Variants in PHF14 observed in about 807,000 individuals in gnomAD.
PHF14 encodes PHD finger protein 14.
In PHF14, 55 loss-of-function variants were observed where a neutral mutation model predicts 117.9. The observed-to-expected ratio is 0.47, with a 90% CI of 0.38 to 0.58. PHF14 has a LOEUF of 0.58. Among genes scored for constraint, PHF14 ranks in the 20% least tolerant of loss-of-function variants. The pLI is 0.00. For missense variants in PHF14, 978 were observed against 1,122.2 expected (o/e 0.87, Z 1.84); for synonymous variants, 409 against 368.6 (o/e 1.11, Z -1.26).
Position 11,038,822 on chromosome 7 carries a change from A to G in PHF14, c.2043A>G (p.Gly681=). ...LNGKLRSEGQ[G]IWALLGRITG... Reference sequence around the variant, plus strand: ...GAAAACTTCGAAGTGAAGGACAAGGAATATGGGCTTTACTAGGCAGAATCA... The same window carrying G: ...GAAAACTTCGAAGTGAAGGACAAGGGATATGGGCTTTACTAGGCAGAATCA... Residue 681 remains glycine, a synonymous_variant, in exon 11 of 18, where the codon GGA becomes GGG. Transcript: ENST00000634607. The G allele has an allele frequency of 6.3e-7, 1 of 1,589,606 alleles. No individual in the cohort carries two copies. Among genetic ancestry groups the G allele is most frequent in the Middle Eastern group, 1.7e-4 (1 of 5,980 alleles).
chr7:11,107,109 A>G (rs1787295806), intron 16 of PHF14: 1 of 983,204 alleles, frequency 1.0e-6, no homozygotes, highest in Admixed American at 6.2e-5. Context: ...TACTCCTCTA[A>G]TGAAATTAGA....
chr7:10,988,626 C>T lies in PHF14; in HGVS notation c.901-2077C>T, dbSNP rs1469934063. On this transcript the variant is annotated intron_variant, in intron 3 of 17. Transcript: ENST00000634607. Reference sequence around the variant, plus strand: ...GGGGATGATATTTAAAGTAGTAGTGCTCATTGGAGCTTGCAACTTTTCTTT... The same window carrying T: ...GGGGATGATATTTAAAGTAGTAGTGTTCATTGGAGCTTGCAACTTTTCTTT... 6.9e-5 allele frequency among the ~76,000 whole-genome samples: 10 copies of T among 144,148 alleles called. No homozygotes were observed. The South Asian group carries it at 8.7e-4, about 13-fold the overall frequency. The allele number at this position is 144,148 out of a possible 152,430, so 94.6% of individuals were successfully genotyped here.
At chr7:11,020,328 A>G (rs986657373) in intron 5 of PHF14, among the ~76,000 whole-genome samples, 14 of 152,066 alleles carry the variant, frequency 9.2e-5, no homozygotes, top group Non-Finnish European at 1.9e-4. Flanking sequence ...GGGCTCAAGC[A>G]GTCCTCCCAC....
chr7:11,153,294 A>C (rs922813366), intron 17 of PHF14, among the ~76,000 whole-genome samples: 3 of 152,168 alleles, frequency 2.0e-5, no homozygotes, highest in Non-Finnish European at 4.4e-5. Flanking sequence ...GGAGTTGGCT[A>C]TAGAGTATAA....
chr7:10,990,857 C>T lies in PHF14; in HGVS notation c.1045+10C>T. On this transcript the variant is annotated intron_variant, in intron 4 of 17. Transcript: ENST00000634607. ...ATTACAGTCCATGAAGGTAATGTTGCTTTCTTTTCTCTCTTTTTAGAAATG... is the reference window on the plus strand; with the variant it reads ...ATTACAGTCCATGAAGGTAATGTTGTTTTCTTTTCTCTCTTTTTAGAAATG... The T allele has an allele frequency of 6.4e-7, 1 of 1,559,510 alleles. No individual in the cohort carries two copies. Among genetic ancestry groups the T allele is most frequent in the Non-Finnish European group, 8.7e-7 (1 of 1,149,240 alleles).
chr7:11,037,216 A>G (rs972671755), intron 10 of PHF14, 125 bp downstream of exon 10: 65 of 746,084 alleles, frequency 8.7e-5, no homozygotes, highest in Non-Finnish European at 1.1e-4. Context: ...GCTCTTCCCT[A>G]TAACTCCTAC....
rs181456035 is a variant in PHF14 at position 10,982,772 on chromosome 7, C to T, written c.513C>T (p.Thr171=). The T allele has an allele frequency of 1.4e-5, 23 of 1,613,824 alleles. No individual in the cohort carries two copies. The East Asian group carries it at 2.2e-4, about 16-fold the overall frequency. Residue 171 remains threonine (T), a synonymous_variant, in exon 3 of 18, where the codon ACC becomes ACT. Coordinates refer to ENST00000634607, the MANE Select transcript of PHF14 (RefSeq NM_001007157.2). ...NTSPSVPTTT[T]ATEEQVSEPK... The stretch of plus-strand genomic sequence containing the variant: ...CCCCTTCTGTTCCCACTACGACAAC[C>T]GCTACAGAGGAACAAGTCAGCGAGC...
At chr7:11,052,225 A>G (rs1784870697) in intron 14 of PHF14, among the ~76,000 whole-genome samples, 1 of 152,198 alleles carries the variant, frequency 6.6e-6, no homozygotes, top group African/African-American at 2.4e-5. Context: ...TGAATTTCAT[A>G]TGAATGGAAT....
At chr7:10,977,778 C>G (rs369715148) in intron 2 of PHF14, among the ~76,000 whole-genome samples, 3 of 152,124 alleles carry the variant, frequency 2.0e-5, no homozygotes, top group South Asian at 2.1e-4. Flanking sequence ...TTAGGTTGAA[C>G]TATATGGAAT....
At chr7:11,128,856 C>T (rs2076878148) in intron 17 of PHF14, among the ~76,000 whole-genome samples, 1 of 151,824 alleles carries the variant, frequency 6.6e-6, no homozygotes. Context: ...ATTAAATGTC[C>T]AGTTTAAATT....
intron 2 of PHF14, among the ~76,000 whole-genome samples, chr7:10,977,213 G>C (rs1681305): frequency 2.6e-5 from 4 of 151,710 alleles, no homozygotes; most frequent in African/African-American, 9.7e-5. Context: ...CCCTACTTAC[G>C]AATAGGAGAT....
rs939959734 is a variant in PHF14 at position 11,111,624 on chromosome 7, C to T, written c.2772+157C>T. Among the ~76,000 whole-genome samples, 5 of 151,984 alleles carry T rather than the reference C, an allele frequency of 3.3e-5. No individual in the cohort carries two copies. In the East Asian group the frequency reaches 9.6e-4, roughly 29 times the overall value. On this transcript the variant is annotated intron_variant, in intron 17 of 17. Transcript: ENST00000634607. ...ATATATTGCTATGGTTATTTTCTTG[C>T]TCTTAAATTAAGGAAAAAACAACTC...
At chr7:11,169,294 T>A (rs531980082) in intron 17 of PHF14, 122 bp from the exon 18 acceptor site, 2 of 486,860 alleles carry the variant, frequency 4.1e-6, no homozygotes, top group East Asian at 3.6e-5. Flanking sequence ...TTACCATTTG[T>A]GTTTAGGATT....
Position 10,982,481 on chromosome 7 carries a change from T to A in PHF14, c.222T>A (p.Ile74=), listed in dbSNP as rs757770713. Residue 74 remains isoleucine, a synonymous_variant, in exon 3 of 18, where the codon ATT becomes ATA. Coordinates refer to ENST00000634607, the MANE Select transcript of PHF14 (RefSeq NM_001007157.2). ...NILEEELNED[I]KVKEEQLKNS... Reference sequence around the variant, plus strand: ...TAGAAGAAGAACTGAATGAAGATATTAAAGTAAAAGAAGAACAACTTAAAA... The same window carrying A: ...TAGAAGAAGAACTGAATGAAGATATAAAAGTAAAAGAAGAACAACTTAAAA... 1.3e-6 allele frequency: 2 copies of A among 1,582,706 alleles called. No homozygotes were observed. Among genetic ancestry groups the A allele is most frequent in the African/African-American group, 2.7e-5 (2 of 74,034 alleles).
chr7:11,055,790 A>T (rs1046763786), intron 14 of PHF14, among the ~76,000 whole-genome samples: 21 of 152,152 alleles, frequency 1.4e-4, no homozygotes, highest in African/African-American at 4.8e-4. Flanking sequence ...ATAATGTTTA[A>T]GCTTAAGTCT....
At chr7:11,065,119 G>A (rs1785380622) in intron 16 of PHF14, among the ~76,000 whole-genome samples, 1 of 151,964 alleles carries the variant, frequency 6.6e-6, no homozygotes, top group African/African-American at 2.4e-5. Context: ...TTTCTAAAAT[G>A]ATTAGATTGA....
intron 17 of PHF14, among the ~76,000 whole-genome samples, chr7:11,128,619 G>T (rs1277954217): frequency 1.3e-5 from 2 of 151,718 alleles, no homozygotes; most frequent in Non-Finnish European, 2.9e-5. Context: ...AGACATCAGG[G>T]TTTTATCCCT....
At chr7:11,039,280 G>A (rs986086212) in intron 11 of PHF14, among the ~76,000 whole-genome samples, 2 of 151,440 alleles carry the variant, frequency 1.3e-5, no homozygotes, top group African/African-American at 4.9e-5. Flanking sequence ...ATTAAAAAAG[G>A]CAAACTAGAG....
At chr7:10,992,101 T>C (rs1156495133) in intron 4 of PHF14, among the ~76,000 whole-genome samples, 2 of 152,014 alleles carry the variant, frequency 1.3e-5, no homozygotes, top group South Asian at 4.2e-4. Context: ...TTGTCCAGGC[T>C]GGAGTGCAGC....
Sources: gnomAD v4.1 joint callset for allele counts (sites outside exome capture counted in the v4.1 genomes callset) on GRCh38, gnomAD v4.1.1 for gene constraint, MANE v1.5 for transcripts, NCBI Gene and HGNC (gene_info 2026-07-23, HGNC 2026-07-21) for gene names.